The following NRDE2 variants were observed in gnomAD, a reference collection of about 807,000 sequenced individuals.
The protein encoded by NRDE2 is NRDE-2, necessary for RNA interference, domain containing.
NRDE2 carries 76 observed loss-of-function variants against 124.2 expected under a neutral mutation model. That is an observed-to-expected ratio of 0.61 (90% CI 0.51 to 0.74). The LOEUF (loss-of-function observed/expected upper bound fraction) is 0.74. Among genes scored for constraint, NRDE2 ranks in the 30% least tolerant of loss-of-function variants. The pLI, the probability that NRDE2 is intolerant of heterozygous loss-of-function variation, is 0.00. For synonymous variants in NRDE2, 489 were observed against 528.1 expected (o/e 0.93, Z 1.01); for missense variants, 1,314 against 1,417.3 (o/e 0.93, Z 1.17).
At chr14:90,313,021 A>T (rs1221977575) in intron 3 of NRDE2, among the ~76,000 whole-genome samples, 2 of 152,132 alleles carry the variant, frequency 1.3e-5, no homozygotes, top group Admixed American at 6.5e-5. Context: ...AACTTACTTG[A>T]AAGTGCCTAG....
At chr14:90,302,680 C>T (rs755489625) in intron 6 of NRDE2, 40 bp downstream of exon 6, 1 of 1,508,852 alleles carries the variant, frequency 6.6e-7, no homozygotes, top group Admixed American at 2.3e-5. Context: ...AAAAGAAAGT[C>T]TAACTCCTCC....
intron 4 of NRDE2, among the ~76,000 whole-genome samples, chr14:90,309,492 A>C (rs1884748020): frequency 7.2e-6 from 1 of 139,298 alleles, no homozygotes; most frequent in South Asian, 2.4e-4. Context: ...AAAAAAAAAG[A>C]ACCAAGAACC....
At chr14:90,279,314 C>T in intron 12 of NRDE2, 181 bp from the exon 13 acceptor site, 1 of 592,168 alleles carries the variant, frequency 1.7e-6, no homozygotes, top group Non-Finnish European at 3.0e-6. Flanking sequence ...CTCTCAGAAG[C>T]CACTGCTGTG....
intron 4 of NRDE2, among the ~76,000 whole-genome samples, chr14:90,312,064 G>C (rs1262641273): frequency 2.0e-5 from 3 of 152,128 alleles, no homozygotes; most frequent in African/African-American, 7.2e-5. Flanking sequence ...TGACATATAG[G>C]TTAGACCAAA....
In NRDE2 at chr14:90,269,598, G is replaced by A. The variant is rs1160415481; in HGVS notation, c.*8738C>T. 3.8e-6 allele frequency: 6 copies of A among 1,571,596 alleles called. No individual in the cohort carries two copies. Among genetic ancestry groups the A allele is most frequent in the Non-Finnish European group, 4.3e-6 (5 of 1,151,562 alleles). On this transcript the variant is annotated 3_prime_UTR_variant, in exon 14 of 14. Transcript: ENST00000354366. ...TGGAGATTAATGTGTTTATATATTTGTGTTTAAGTGTGCTTTGGGAGGCCT... is the reference window on the plus strand; with the variant it reads ...TGGAGATTAATGTGTTTATATATTTATGTTTAAGTGTGCTTTGGGAGGCCT...
intron 1 of NRDE2, among the ~76,000 whole-genome samples, chr14:90,322,711 G>C (rs916452661): frequency 5.9e-5 from 9 of 152,152 alleles, no homozygotes; most frequent in African/African-American, 2.2e-4. Flanking sequence ...TGCTCACATG[G>C]AGTTTATAAT....
rs914843873 is a variant in NRDE2, at chr14:90,289,497, G to C, written c.2230-352C>G. On this transcript the variant is annotated intron_variant, in intron 10 of 13. Coordinates refer to ENST00000354366, the MANE Select transcript of NRDE2 (RefSeq NM_017970.4). ...AAGCTTCAGAACTTGGGTGCTAAGA[G>C]AGCCAGTACTAACTGTGGCCAGCAG... 3.3e-5 allele frequency among the ~76,000 whole-genome samples: 5 copies of C among 152,320 alleles called. No individual in the cohort carries two copies. In the South Asian group the frequency reaches 8.3e-4, roughly 25 times the overall value.
rs540200088 is a variant in NRDE2, at chr14:90,290,158, C to T, written c.2229+63G>A. On this transcript the variant is annotated intron_variant, in intron 10 of 13. Transcript: ENST00000354366. ...GAGAGCACTCGGAGGCTTACAATCCCGTTTATAAACACTGACATGAAATGA... is the reference window on the plus strand; with the variant it reads ...GAGAGCACTCGGAGGCTTACAATCCTGTTTATAAACACTGACATGAAATGA... 244 of 1,547,580 alleles carry T rather than the reference C, an allele frequency of 1.6e-4. No individual in the cohort carries two copies. In the East Asian group the frequency reaches 4.1e-3, roughly 26 times the overall value.
intron 4 of NRDE2, chr14:90,304,603 A>G: frequency 4.1e-6 from 2 of 490,722 alleles, no homozygotes; most frequent in Non-Finnish European, 7.2e-6. Flanking sequence ...ACTCTTCTTT[A>G]ACATCTCATG....
intron 1 of NRDE2, among the ~76,000 whole-genome samples, chr14:90,324,434 G>C (rs1403390474): frequency 6.6e-6 from 1 of 152,142 alleles, no homozygotes. Context: ...CCAGCACTTT[G>C]GGAGGCCGAG....
At chr14:90,301,619 T>C (rs1417673782) in intron 6 of NRDE2, among the ~76,000 whole-genome samples, 2 of 152,224 alleles carry the variant, frequency 1.3e-5, no homozygotes, top group Non-Finnish European at 2.9e-5. Context: ...AAACTATATA[T>C]AGTACATAAA....
At chr14:90,317,932 G>A (rs1269584732) in intron 2 of NRDE2, 73 bp downstream of exon 2, 2 of 1,038,134 alleles carry the variant, frequency 1.9e-6, no homozygotes, top group Non-Finnish European at 2.9e-6. Context: ...AGTTTTCTAA[G>A]GAGCTTCATT....
Position 90,270,588 on chromosome 14 carries a change from GCTGGT to G in NRDE2, c.*7743_*7747del. 4.6e-6 allele frequency: 2 copies of G among 432,608 alleles called. No homozygotes were observed. The highest frequency in any genetic ancestry group is 4.5e-5 in the South Asian group (1 of 22,460). 26.8% of individuals were successfully genotyped at this position (432,608 alleles called of 1,614,324 possible). A position where few individuals can be genotyped will look rare whatever the true frequency, so the allele number is the denominator to read the frequency against. ...TCACCTGGAGCCACAAGGCTGAGTC[GCTGGT>G]ACTAAGCCTTAGGCCCAGGTGACTT... On this transcript the variant is annotated 3_prime_UTR_variant, in exon 14 of 14. Transcript: ENST00000354366.
intron 4 of NRDE2, among the ~76,000 whole-genome samples, chr14:90,310,370 G>A (rs1490800609): frequency 3.3e-5 from 5 of 152,104 alleles, no homozygotes; most frequent in Non-Finnish European, 7.4e-5. Context: ...TAACCTCTCT[G>A]CGATTCCTTT....
Position 90,278,691 on chromosome 14 carries a change from A to C in NRDE2, c.3370-230T>G, listed in dbSNP as rs866201448. ...GCCAAGCGAGGCCTTCTCTTTTAAA[A>C]GGGGTCCAGGAATTGCTGGCCGTCG... On this transcript the variant is annotated intron_variant, in intron 13 of 13. Transcript: ENST00000354366. 7.4e-5 allele frequency: 41 copies of C among 555,828 alleles called. 1 individual carries two copies. Among genetic ancestry groups the C allele is most frequent in the African/African-American group, 4.3e-4 (23 of 53,390 alleles). 34.4% of individuals were successfully genotyped at this position (555,828 alleles called of 1,614,324 possible).
rs1424004769 is a variant in NRDE2 at position 90,301,443 on chromosome 14, A to G, written c.1412-71T>C. The G allele has an allele frequency of 9.5e-6, 14 of 1,470,892 alleles. No individual in the cohort carries two copies. The East Asian group carries it at 3.3e-4, about 34-fold the overall frequency. 91.1% of individuals were successfully genotyped at this position (1,470,892 alleles called of 1,614,324 possible). A position where few individuals can be genotyped will look rare whatever the true frequency, so the allele number is the denominator to read the frequency against. ...AAAGGGAAAGAACCTAACTTCTCAAAACAGGCAATTAACACATTGAGAACA... is the reference window on the plus strand; with the variant it reads ...AAAGGGAAAGAACCTAACTTCTCAAGACAGGCAATTAACACATTGAGAACA... On this transcript the variant is annotated intron_variant, in intron 6 of 13. Transcript: ENST00000354366.
In NRDE2 at chr14:90,296,546, G is replaced by A. The variant is rs772733519; in HGVS notation, c.1666+1714C>T. On this transcript the variant is annotated intron_variant, in intron 8 of 13. Transcript: ENST00000354366. The stretch of plus-strand genomic sequence containing the variant: ...TGGTAATAGAGATGCTCCCTGGCCC[G>A]GAGCTCTGAACTGTCGTGCAAGACA... Among the ~76,000 whole-genome samples, 78 of 152,276 alleles carry A rather than the reference G, an allele frequency of 5.1e-4. 3 individuals carry two copies. The highest frequency in any genetic ancestry group is 6.8e-3 in the Middle Eastern group (2 of 294).
intron 13 of NRDE2, chr14:90,278,839 G>A (rs760172007): frequency 1.5e-5 from 9 of 596,362 alleles, no homozygotes; most frequent in African/African-American, 3.7e-5. Flanking sequence ...AGCTACCCAC[G>A]GCAACACTTC....
chr14:90,321,630 G>C (rs1251599832), intron 1 of NRDE2, among the ~76,000 whole-genome samples: 3 of 151,630 alleles, frequency 2.0e-5, no homozygotes, highest in Non-Finnish European at 2.9e-5. Context: ...GATCCTCTGT[G>C]ACCTTCATGC....
Sources: allele counts gnomAD v4.1 joint callset (sites outside exome capture counted in the v4.1 genomes callset), GRCh38; gene constraint gnomAD v4.1.1; transcripts MANE v1.5; gene names NCBI Gene and HGNC (gene_info 2026-07-23, HGNC 2026-07-21).